Variants in AR observed in about 807,000 individuals in gnomAD.
AR encodes androgen receptor, also known as dihydrotestosterone receptor.
A neutral mutation model predicts 53.9 loss-of-function variants in AR; 8 were observed. The observed-to-expected ratio is 0.15, with a 90% confidence interval of 0.09 to 0.27. The LOEUF is 0.27. Among genes scored for constraint, AR ranks in the 10% least tolerant of loss-of-function variants. AR has a pLI of 1.00. For missense variants in AR, 639 were observed against 742.5 expected (o/e 0.86, Z 1.62); for synonymous variants, 359 against 316.4 (o/e 1.13, Z -1.43).
intron 4 of AR, among the ~76,000 whole-genome samples, chrX:67,716,946 G>T (rs1004133105): frequency 6.3e-5 from 7 of 111,901 alleles, no homozygotes; most frequent in Middle Eastern, 4.6e-3. Flanking sequence ...CTAGCTGTAT[G>T]ATCTTGGACA....
intron 1 of AR, among the ~76,000 whole-genome samples, chrX:67,586,038 T>G (rs1448297107): frequency 9.0e-6 from 1 of 111,602 alleles, no homozygotes; most frequent in Non-Finnish European, 1.9e-5. Flanking sequence ...TTCAAGAGGG[T>G]ACTTGTTTTT....
At chrX:67,615,678 A>G (rs1317115218) in intron 1 of AR, among the ~76,000 whole-genome samples, 1 of 111,699 alleles carries the variant, frequency 9.0e-6, no homozygotes, top group Non-Finnish European at 1.9e-5. Flanking sequence ...CACTTAACTT[A>G]TTTAAAATCA....
chrX:67,568,810 AT>A, intron 1 of AR: 1 of 1,096,625 alleles, frequency 9.1e-7, no homozygotes. Context: ...ATCAGCTCTG[AT>A]TTGCCAAGTT....
chrX:67,671,210 C>CAG (rs1350807419), intron 2 of AR, among the ~76,000 whole-genome samples: 4 of 111,995 alleles, frequency 3.6e-5, no homozygotes, highest in African/African-American at 1.3e-4. Context: ...CTAATTTATG[C>CAG]TCCCACCAAC....
At chrX:67,621,171 C>T (rs775265874) in intron 1 of AR, among the ~76,000 whole-genome samples, 1 of 111,765 alleles carries the variant, frequency 8.9e-6, no homozygotes, top group Admixed American at 9.5e-5. Flanking sequence ...TAGTCTCAGA[C>T]TTGCCTCTGA....
chrX:67,574,062 T>G (rs1258532209), intron 1 of AR, among the ~76,000 whole-genome samples: 2 of 111,842 alleles, frequency 1.8e-5, no homozygotes, highest in African/African-American at 6.5e-5. Context: ...TAAAACATAA[T>G]GGAAGTGTAC....
intron 5 of AR, among the ~76,000 whole-genome samples, chrX:67,721,130 A>T (rs1396361580): frequency 9.0e-6 from 1 of 111,690 alleles, no homozygotes; most frequent in Non-Finnish European, 1.9e-5. Flanking sequence ...CAGTTTCCAA[A>T]CTGTGGTAAG....
At chrX:67,654,560 G>T in intron 2 of AR, among the ~76,000 whole-genome samples, 1 of 110,123 alleles carries the variant, frequency 9.1e-6, no homozygotes, top group Non-Finnish European at 1.9e-5. Context: ...ACTTGAAGGT[G>T]TCAGAGCTCT....
chrX:67,544,654 C>T lies in AR; in HGVS notation c.-493C>T, dbSNP rs762576023. Reference sequence around the variant, plus strand: ...AGAACCCTCTGTTTTCCCCCACTCTCTCTCCACCTCCTCCTGCCTTCCCCA... The same window carrying T: ...AGAACCCTCTGTTTTCCCCCACTCTTTCTCCACCTCCTCCTGCCTTCCCCA... On this transcript the variant is annotated 5_prime_UTR_variant, in exon 1 of 8. Transcript: ENST00000374690. 1 of 171,405 alleles carries T rather than the reference C, an allele frequency of 5.8e-6. No homozygotes were observed. The highest frequency in any genetic ancestry group is 8.2e-5 in the East Asian group (1 of 12,144). 14.1% of individuals were successfully genotyped at this position (171,405 alleles called of 1,213,427 possible).
intron 3 of AR, among the ~76,000 whole-genome samples, chrX:67,700,392 G>C (rs2076037549): frequency 9.0e-6 from 1 of 111,481 alleles, no homozygotes; most frequent in Non-Finnish European, 1.9e-5. Context: ...GAAGTCCTTG[G>C]ATACTGAGTA....
intron 1 of AR, among the ~76,000 whole-genome samples, chrX:67,584,312 A>G (rs936576931): frequency 8.9e-6 from 1 of 112,052 alleles, no homozygotes; most frequent in African/African-American, 3.2e-5. Flanking sequence ...AAGAGGTATA[A>G]GAGAAAGTTC....
chrX:67,718,901 T>C (rs1374000359), intron 5 of AR, among the ~76,000 whole-genome samples: 1 of 111,760 alleles, frequency 8.9e-6, no homozygotes, highest in African/African-American at 3.3e-5. Context: ...CATGATAATC[T>C]TTTCTATGTC....
chrX:67,716,594 G>C (rs2076114419), intron 4 of AR, among the ~76,000 whole-genome samples: 1 of 111,254 alleles, frequency 9.0e-6, no homozygotes, highest in Non-Finnish European at 1.9e-5. Flanking sequence ...CAGTAGGGTG[G>C]GAAATTAGTA....
chrX:67,575,443 C>T (rs1191682564), intron 1 of AR, among the ~76,000 whole-genome samples: 1 of 111,529 alleles, frequency 9.0e-6, no homozygotes. Flanking sequence ...TGTACTGTGA[C>T]TTTAGGATCT....
chrX:67,659,095 C>T (rs980134698), intron 2 of AR, among the ~76,000 whole-genome samples: 22 of 110,813 alleles, frequency 2.0e-4, no homozygotes, highest in African/African-American at 6.9e-4. Flanking sequence ...GAAAGGCCTC[C>T]TATGTTAGAA....
chrX:67,596,791 G>A lies in AR; in HGVS notation c.1617-46465G>A, dbSNP rs757119982. 4.5e-4 allele frequency among the ~76,000 whole-genome samples: 51 copies of A among 112,298 alleles called. No homozygotes were observed. The Admixed American group carries it at 4.8e-3, about 11-fold the overall frequency. On this transcript the variant is annotated intron_variant, in intron 1 of 7. Coordinates refer to ENST00000374690, the MANE Select transcript of AR (RefSeq NM_000044.6). ...ACTCTCACTTGAAAAGACATGTGTG[G>A]TGATGTTTTCTCAGGCAGTTAAGCA...
chrX:67,552,281 T>A (rs1930027456), intron 1 of AR, among the ~76,000 whole-genome samples: 1 of 112,378 alleles, frequency 8.9e-6, no homozygotes, highest in Admixed American at 9.4e-5. Flanking sequence ...TAATATGTGG[T>A]CTTTTGTGAC....
intron 1 of AR, among the ~76,000 whole-genome samples, chrX:67,620,421 T>G (rs1569284504): frequency 9.1e-6 from 1 of 109,497 alleles, no homozygotes; most frequent in South Asian, 3.9e-4. Flanking sequence ...TAGACTCTAG[T>G]ACCAAGGGGA....
chrX:67,645,785 G>T (rs958158582), intron 2 of AR, among the ~76,000 whole-genome samples: 1 of 110,796 alleles, frequency 9.0e-6, no homozygotes, highest in Non-Finnish European at 1.9e-5. Flanking sequence ...AAAATTACTG[G>T]TGTTTTCTTT....
Sources: allele counts gnomAD v4.1 joint callset (sites outside exome capture counted in the v4.1 genomes callset), GRCh38; gene constraint gnomAD v4.1.1; transcripts MANE v1.5; gene names NCBI Gene and HGNC (gene_info 2026-07-23, HGNC 2026-07-21).